Variants in SOCS2 observed in about 807,000 individuals in gnomAD.
SOCS2 encodes the protein CIS-2.
Under a neutral mutation model 18.6 loss-of-function variants are expected in SOCS2, and 10 were observed. The ratio of observed to expected loss-of-function variants is 0.54; its 90% CI spans 0.33 to 0.91. SOCS2 has a LOEUF of 0.91. SOCS2 is among the 40% of genes least tolerant of loss of function. SOCS2 has a pLI of 0.02. For missense variants in SOCS2, 231 were observed against 247.2 expected, an observed-to-expected ratio of 0.93 and a Z score of 0.44; for synonymous variants, 104 against 104.0, an observed-to-expected ratio of 1.00 and a Z score of 0.00.
the SOCS2 span, among the ~76,000 whole-genome samples, chr12:93,608,526 C>A: frequency 1.3e-5 from 2 of 151,938 alleles, no homozygotes; most frequent in Non-Finnish European, 2.9e-5. Context: ...GACCTTGGGG[C>A]CTCAGTTTCC....
the SOCS2 span, among the ~76,000 whole-genome samples, chr12:93,614,705 T>C: frequency 0.011 from 1,636 of 149,388 alleles, 35 homozygotes; most frequent in African/African-American, 0.038. Context: ...TACCTCTGCC[T>C]CCTGGGTTCA....
the SOCS2 span, among the ~76,000 whole-genome samples, chr12:93,620,102 T>G: frequency 1.8e-4 from 28 of 152,232 alleles, no homozygotes; most frequent in African/African-American, 6.5e-4. Context: ...AAATATTTGC[T>G]GGTTTACTTA....
chr12:93,587,478 G>A (rs1011318131), downstream of SOCS2, among the ~76,000 whole-genome samples: 2 of 151,990 alleles, frequency 1.3e-5, no homozygotes, highest in Admixed American at 6.5e-5. Context: ...TCAGGAGATC[G>A]AGACCATCCT....
chr12:93,614,478 C>CCTTCCTTTCTTTCTTT, the SOCS2 span, among the ~76,000 whole-genome samples: 13 of 49,434 alleles, frequency 2.6e-4, 1 homozygote, highest in African/African-American at 1.7e-3. Context: ...TTCCTTCCTT[C>CCTTCCTTTCTTTCTTT]CTTTCCTTCC....
At chr12:93,614,085 AT>A in the SOCS2 span, among the ~76,000 whole-genome samples, 10,324 of 144,966 alleles carry the variant, frequency 0.071, 798 homozygotes, top group African/African-American at 0.2. Flanking sequence ...TTAACCAGCC[AT>A]TTTTTTTTTT....
the SOCS2 span, among the ~76,000 whole-genome samples, chr12:93,598,513 C>T: frequency 2.2e-4 from 34 of 152,296 alleles, no homozygotes; most frequent in African/African-American, 7.0e-4. Flanking sequence ...ACGCTGTTTC[C>T]ATTTTCCAGG....
the SOCS2 span, among the ~76,000 whole-genome samples, chr12:93,614,540 CTTCTTTCTTTCTTTCTTTCTTTCT>C: frequency 4.0e-3 from 150 of 37,126 alleles, 3 homozygotes; most frequent in Middle Eastern, 0.012. Context: ...TCCTTCCTTC[CTTCTTTCTTTCTTTCTTTCTTTCT>C]TTCTTTCTTT....
downstream of SOCS2, among the ~76,000 whole-genome samples, chr12:93,580,134 A>C (rs182578248): frequency 6.6e-6 from 1 of 152,082 alleles, no homozygotes; most frequent in Non-Finnish European, 1.5e-5. Flanking sequence ...GTGGGGTGAG[A>C]CTTTTTCGCC....
chr12:93,600,718 T>G, the SOCS2 span, among the ~76,000 whole-genome samples: 1 of 151,688 alleles, frequency 6.6e-6, no homozygotes, highest in East Asian at 1.9e-4. Flanking sequence ...ACGTAAAGTT[T>G]TTTTTTTTTA....
upstream of SOCS2, chr12:93,571,258 G>C (rs1021211566): frequency 3.3e-5 from 5 of 152,368 alleles, no homozygotes; most frequent in African/African-American, 1.2e-4. Context: ...GCCCCGAGGA[G>C]AGTTACCGGG....
chr12:93,607,491 GAAGAA>G, the SOCS2 span, among the ~76,000 whole-genome samples: 1 of 149,992 alleles, frequency 6.7e-6, no homozygotes, highest in East Asian at 1.9e-4. Flanking sequence ...ACCCCAGGAA[GAAGAA>G]CACAAGATAC....
At chr12:93,588,564 G>C in the SOCS2 span, among the ~76,000 whole-genome samples, 1 of 151,852 alleles carries the variant, frequency 6.6e-6, no homozygotes, top group Non-Finnish European at 1.5e-5. Context: ...GCGATGGGGA[G>C]AAGGAGGAAG....
intron 1 of SOCS2, among the ~76,000 whole-genome samples, chr12:93,582,135 C>T (rs1954548420): frequency 6.6e-6 from 1 of 152,152 alleles, no homozygotes; most frequent in Admixed American, 6.5e-5. Flanking sequence ...TGAAGACAAG[C>T]CCCCAGAGGA....
chr12:93,590,783 CAAAAAAAAAAAAAAAAAAAAAA>C, the SOCS2 span, among the ~76,000 whole-genome samples: 66 of 38,946 alleles, frequency 1.7e-3, no homozygotes, highest in African/African-American at 2.6e-3. Flanking sequence ...GACTCCGCCT[CAAAAAAAAAAAAAAAAAAAAAA>C]AAAAAAAAAA....
chr12:93,601,532 C>T, the SOCS2 span, among the ~76,000 whole-genome samples: 1 of 152,180 alleles, frequency 6.6e-6, no homozygotes, highest in Non-Finnish European at 1.5e-5. Flanking sequence ...TGGTCTCGAA[C>T]TCCTGAACTC....
chr12:93,610,171 C>A, the SOCS2 span, among the ~76,000 whole-genome samples: 1 of 152,220 alleles, frequency 6.6e-6, no homozygotes, highest in South Asian at 2.1e-4. Flanking sequence ...TGTAAAATAT[C>A]CACACATATG....
chr12:93,625,664 C>T, the SOCS2 span, among the ~76,000 whole-genome samples: 1 of 147,898 alleles, frequency 6.8e-6, no homozygotes, highest in Non-Finnish European at 1.5e-5. Context: ...AGGAGAATTG[C>T]TTGAACCTGG....
the SOCS2 span, among the ~76,000 whole-genome samples, chr12:93,593,219 C>T: frequency 1.2e-4 from 19 of 152,276 alleles, no homozygotes; most frequent in East Asian, 1.9e-3. Flanking sequence ...ATTATTATCA[C>T]GCTGACCCGA....
chr12:93,615,029 A>T, the SOCS2 span, among the ~76,000 whole-genome samples: 1 of 151,230 alleles, frequency 6.6e-6, no homozygotes, highest in Non-Finnish European at 1.5e-5. Flanking sequence ...TTAATTTTCC[A>T]GGCCCTGTTT....
Sources: gnomAD v4.1 joint callset for allele counts (sites outside exome capture counted in the v4.1 genomes callset) on GRCh38, gnomAD v4.1.1 for gene constraint, MANE v1.5 for transcripts, NCBI Gene and HGNC (gene_info 2026-07-23, HGNC 2026-07-21) for gene names.